Variants in XPO7 observed in about 807,000 individuals in gnomAD.
XPO7 encodes exportin-7.
A neutral mutation model predicts 144.3 loss-of-function variants in XPO7; 21 were observed. That is an observed-to-expected ratio of 0.15 (90% confidence interval 0.10 to 0.21). The LOEUF (loss-of-function observed/expected upper bound fraction) is 0.21. Ranked by LOEUF, XPO7 falls within the 10% of genes least tolerant of loss-of-function variation. The probability of loss-of-function intolerance (pLI) is 1.00; values close to 1 mark genes in which losing one functional copy is unlikely to be tolerated. For synonymous variants in XPO7, 580 were observed against 499.6 expected, an observed-to-expected ratio of 1.16 and a Z score of -2.15; for missense variants, 808 against 1,325.8, an observed-to-expected ratio of 0.61 and a Z score of 6.06.
intron 2 of XPO7, among the ~76,000 whole-genome samples, chr8:21,967,245 A>G (rs1159045138): frequency 6.6e-6 from 1 of 152,160 alleles, no homozygotes; most frequent in East Asian, 1.9e-4. Flanking sequence ...AATTTCCAGA[A>G]CTTGTTTTCT....
chr8:21,970,892 A>G (rs894343386), intron 4 of XPO7, among the ~76,000 whole-genome samples: 2 of 152,172 alleles, frequency 1.3e-5, no homozygotes, highest in Non-Finnish European at 2.9e-5. Flanking sequence ...GCCTAAGTGT[A>G]CATATTTATA....
chr8:21,978,880 T>C (rs1317992533), intron 8 of XPO7, among the ~76,000 whole-genome samples: 2 of 152,204 alleles, frequency 1.3e-5, no homozygotes, highest in Non-Finnish European at 2.9e-5. Context: ...TTTCCATTGG[T>C]TGAAGCCAAC....
chr8:21,985,818 G>C (rs2117369457), intron 13 of XPO7, 127 bp downstream of exon 13: 1 of 728,560 alleles, frequency 1.4e-6, no homozygotes, highest in East Asian at 2.5e-5. Context: ...AGCTTTCAAG[G>C]CTTTTGTAAG....
intron 1 of XPO7, among the ~76,000 whole-genome samples, chr8:21,938,844 C>T (rs1340966795): frequency 6.6e-6 from 1 of 151,650 alleles, no homozygotes; most frequent in African/African-American, 2.4e-5. Flanking sequence ...GATTGAGAAA[C>T]GTTATTTATG....
chr8:21,976,621 G>A, intron 7 of XPO7, 100 bp downstream of exon 7: 3 of 1,347,828 alleles, frequency 2.2e-6, no homozygotes, highest in Non-Finnish European at 9.9e-7. Flanking sequence ...TGTATTCTGA[G>A]GGAGAATTGA....
At chr8:21,989,926 T>C (rs538349385) in intron 16 of XPO7, among the ~76,000 whole-genome samples, 1 of 135,318 alleles carries the variant, frequency 7.4e-6, no homozygotes, top group East Asian at 2.5e-4. Flanking sequence ...CTCGGCTCAC[T>C]ACAAGCTCCG....
At chr8:21,972,014 T>G (rs369955376) in intron 5 of XPO7, 73 bp downstream of exon 5, 1 of 1,442,056 alleles carries the variant, frequency 6.9e-7, no homozygotes, top group East Asian at 2.3e-5. Context: ...CTGCTGTGTG[T>G]GGGATGATCT....
chr8:21,972,655 A>G (rs987782703), intron 5 of XPO7, among the ~76,000 whole-genome samples: 17 of 152,200 alleles, frequency 1.1e-4, no homozygotes, highest in African/African-American at 3.6e-4. Context: ...TGTCCTGGCT[A>G]TATTTTAGTC....
At chr8:21,962,308 A>G (rs1033735470) in intron 1 of XPO7, among the ~76,000 whole-genome samples, 1 of 152,220 alleles carries the variant, frequency 6.6e-6, no homozygotes, top group African/African-American at 2.4e-5. Flanking sequence ...AGAAACCTTG[A>G]ATGTTCTTTT....
At position 21,974,791 on chromosome 8, in the gene XPO7, G is replaced by A. The variant is rs761584747; in HGVS notation, c.597+17G>A. 2.0e-6 allele frequency: 3 copies of A among 1,534,112 alleles called. No homozygotes were observed. In the African/African-American group the frequency reaches 4.1e-5, roughly 21 times the overall value. Reference sequence around the variant, plus strand: ...CTAAAACAGGTGAGCATGTAGTTTGGGTCATATTTCCCAGTTTCTTTTGAA... The same window carrying A: ...CTAAAACAGGTGAGCATGTAGTTTGAGTCATATTTCCCAGTTTCTTTTGAA... On this transcript the variant is annotated intron_variant, in intron 6 of 27. Transcript: ENST00000252512.
In XPO7 at chr8:21,927,143, G is replaced by C. The variant is rs187463924; in HGVS notation, c.18+7355G>C. ...ACATGCTTGTAGTCCCAGCTACTGG[G>C]GGGGAGGCTAAGCTGGGAGGATCAC... On this transcript the variant is annotated intron_variant, in intron 1 of 27. Coordinates refer to ENST00000252512, the MANE Select transcript of XPO7 (RefSeq NM_015024.5). 4.9e-4 allele frequency among the ~76,000 whole-genome samples: 75 copies of C among 152,212 alleles called. No homozygotes were observed. In the South Asian group the frequency reaches 9.1e-3, roughly 18 times the overall value.
intron 1 of XPO7, among the ~76,000 whole-genome samples, chr8:21,960,846 G>A (rs1430272364): frequency 3.9e-5 from 6 of 152,166 alleles, no homozygotes. Context: ...TGCAGCTGTA[G>A]GTTGTTGATG....
chr8:22,004,969 C>A (rs199695801), intron 27 of XPO7, 26 bp from the exon 28 acceptor site: 2 of 1,517,310 alleles, frequency 1.3e-6, no homozygotes, highest in Admixed American at 1.8e-5. Flanking sequence ...CTCTCCTCCC[C>A]CAACCCACAT....
rs1812512806 is a variant in XPO7, at chr8:21,984,510, G to T, written c.1278-136G>T. On this transcript the variant is annotated intron_variant, in intron 11 of 27. Transcript: ENST00000252512. ...TCTGCCTCATTAAACATTCTTCCTT[G>T]GTTAAAAGTAATGTCGGGATGTAGA... The T allele has an allele frequency of 1.5e-5, 12 of 794,078 alleles. No individual in the cohort carries two copies. In the South Asian group the frequency reaches 2.1e-4, roughly 14 times the overall value. 49.2% of individuals were successfully genotyped at this position (794,078 alleles called of 1,614,324 possible).
intron 8 of XPO7, among the ~76,000 whole-genome samples, chr8:21,978,902 G>C (rs1031658426): frequency 4.6e-5 from 7 of 152,214 alleles, no homozygotes; most frequent in Non-Finnish European, 8.8e-5. Context: ...AGAAGCCAGA[G>C]GGCAAGGGAG....
chr8:21,995,093 T>C (rs533274750), intron 20 of XPO7, among the ~76,000 whole-genome samples: 4 of 151,720 alleles, frequency 2.6e-5, no homozygotes, highest in African/African-American at 9.7e-5. Context: ...AATAAACAGC[T>C]TTTACAAATT....
chr8:21,999,067 AAC>A, intron 22 of XPO7, 22 bp from the exon 23 acceptor site: 3 of 1,612,228 alleles, frequency 1.9e-6, no homozygotes, highest in South Asian at 1.1e-5. Flanking sequence ...TGGTTGAATA[AAC>A]ATATATGACA....
chr8:21,946,476 G>T (rs557991053), intron 1 of XPO7, among the ~76,000 whole-genome samples: 7 of 149,516 alleles, frequency 4.7e-5, no homozygotes, highest in South Asian at 4.2e-4. Context: ...AGCACGGGGC[G>T]ACAAAGGACA....
At position 21,942,089 on chromosome 8, in the gene XPO7, A is replaced by G. The variant is rs545747909; in HGVS notation, c.18+22301A>G. On this transcript the variant is annotated intron_variant, in intron 1 of 27. Transcript: ENST00000252512. ...ATAATTCCATTGGTCATACATTGCA[A>G]TACTGGAGAAGATACAAAGGTAGCA... 2.0e-5 allele frequency among the ~76,000 whole-genome samples: 3 copies of G among 152,342 alleles called. No homozygotes were observed. In the South Asian group the frequency reaches 6.2e-4, roughly 32 times the overall value.
Sources: gnomAD v4.1 joint callset for allele counts (sites outside exome capture counted in the v4.1 genomes callset) on GRCh38, gnomAD v4.1.1 for gene constraint, MANE v1.5 for transcripts, NCBI Gene and HGNC (gene_info 2026-07-23, HGNC 2026-07-21) for gene names.